GDAP2: variants seen among roughly 807,000 people sequenced by gnomAD.
GDAP2 encodes ganglioside-induced differentiation-associated protein 2.
GDAP2 carries 51 observed loss-of-function variants against 67.0 expected under a neutral mutation model. That is an observed-to-expected ratio of 0.76 (90% CI 0.61 to 0.96). The LOEUF (loss-of-function observed/expected upper bound fraction) is 0.96, where lower values mean the gene tolerates loss of function less well. Among genes scored for constraint, GDAP2 ranks in the 40% least tolerant of loss-of-function variants. GDAP2 has a pLI of 0.00. For synonymous variants in GDAP2, 203 were observed against 207.3 expected, an observed-to-expected ratio of 0.98 and a Z score of 0.18; for missense variants, 547 against 588.3, an observed-to-expected ratio of 0.93 and a Z score of 0.73.
At chr1:117,903,384 C>T (rs1032326770) in intron 6 of GDAP2, among the ~76,000 whole-genome samples, 4 of 152,080 alleles carry the variant, frequency 2.6e-5, no homozygotes, top group African/African-American at 9.7e-5. Context: ...CAGTATTTTA[C>T]CATTAAGTAT....
At chr1:117,900,315 G>T (rs1649406614) in intron 6 of GDAP2, among the ~76,000 whole-genome samples, 1 of 151,896 alleles carries the variant, frequency 6.6e-6, no homozygotes, top group African/African-American at 2.4e-5. Context: ...TCACAAAGGG[G>T]GTACAAGGGG....
chr1:117,868,883 A>T lies in GDAP2; in HGVS notation c.*1686T>A, dbSNP rs1648163516. 1 of 152,218 alleles carries T rather than the reference A, an allele frequency of 6.6e-6. No individual in the cohort carries two copies. The highest frequency in any genetic ancestry group is 6.5e-5 in the Admixed American group (1 of 15,272). The allele number at this position is 152,218 out of a possible 1,614,324, so 9.4% of individuals were successfully genotyped here. Reference sequence around the variant, plus strand: ...GGATCAAGTAATTTTGAGGTCTGACACAAAGAAAATGTGTTCAATACATGC... The same window carrying T: ...GGATCAAGTAATTTTGAGGTCTGACTCAAAGAAAATGTGTTCAATACATGC... On this transcript the variant is annotated 3_prime_UTR_variant, in exon 14 of 14. Transcript: ENST00000369443.
Position 117,870,427 on chromosome 1 carries a change from TAC to T in GDAP2, c.*140_*141del. ...TAGATTGCTTATGTGCCAGAAAATA[TAC>T]AGTCAATAAAAAAATACCAGAGAGG... On this transcript the variant is annotated 3_prime_UTR_variant, in exon 14 of 14. Transcript: ENST00000369443. The T allele has an allele frequency of 1.5e-6, 1 of 665,078 alleles. No individual in the cohort carries two copies. Among genetic ancestry groups the T allele is most frequent in the Non-Finnish European group, 2.7e-6 (1 of 370,710 alleles). The allele number at this position is 665,078 out of a possible 1,614,324, so 41.2% of individuals were successfully genotyped here.
chr1:117,877,322 G>T (rs1570964591), intron 13 of GDAP2: 1 of 967,738 alleles, frequency 1.0e-6, no homozygotes, highest in Non-Finnish European at 1.2e-6. Flanking sequence ...CTATCCCCTG[G>T]TTCATACAAT....
intron 6 of GDAP2, among the ~76,000 whole-genome samples, chr1:117,904,441 T>C (rs538606778): frequency 1.4e-3 from 214 of 152,342 alleles, no homozygotes; most frequent in Non-Finnish European, 2.5e-3. Flanking sequence ...GCAACAGTAT[T>C]TACTTGATAC....
Position 117,918,722 on chromosome 1 carries a change from GC to G in GDAP2, c.190del (p.Ala64HisfsTer3). The G allele has an allele frequency of 6.2e-7, 1 of 1,602,556 alleles. No homozygotes were observed. Among genetic ancestry groups the G allele is most frequent in the Non-Finnish European group, 8.5e-7 (1 of 1,170,378 alleles). On this transcript the variant is annotated frameshift_variant, in exon 3 of 14. Transcript: ENST00000369443. LOFTEE classifies it high-confidence loss of function. ...CACAATGGCTGTACAGTTCAGTAAT[GC>G]CACATCTCCTTTCCTGAAGAAACAA... ...GKVVLWKGDV[A>X]LLNCTAIVNT...
chr1:117,871,982 A>C (rs10923439), intron 13 of GDAP2, among the ~76,000 whole-genome samples: 1 of 151,804 alleles, frequency 6.6e-6, no homozygotes, highest in Admixed American at 6.5e-5. Context: ...AAGGAACTTA[A>C]GCAAATTTAC....
chr1:117,894,575 G>C (rs1241958859), intron 8 of GDAP2, among the ~76,000 whole-genome samples: 1 of 152,068 alleles, frequency 6.6e-6, no homozygotes, highest in Non-Finnish European at 1.5e-5. Context: ...TTAAATTAAT[G>C]GAAGACAAAA....
Position 117,918,698 on chromosome 1 carries a change from A to T in GDAP2, c.215T>A (p.Val72Glu). Residue 72 changes from valine (V) to glutamate (E), a missense_variant, in exon 3 of 14, where the codon GTG (valine) becomes GAG (glutamate). Coordinates refer to ENST00000369443, the MANE Select transcript of GDAP2 (RefSeq NM_017686.4). ...DVALLNCTAIVNTSNESLTDK... is the reference protein window; with the variant it reads ...DVALLNCTAIENTSNESLTDK... ...TGTGAGACTTTCATTGCTGGTATTC[A>T]CAATGGCTGTACAGTTCAGTAATGC... 1 of 1,597,480 alleles carries T rather than the reference A, an allele frequency of 6.3e-7. No homozygotes were observed. The highest frequency in any genetic ancestry group is 8.6e-7 in the Non-Finnish European group (1 of 1,164,854).
At chr1:117,911,572 A>G (rs1476659593) in intron 5 of GDAP2, among the ~76,000 whole-genome samples, 1 of 152,056 alleles carries the variant, frequency 6.6e-6, no homozygotes, top group East Asian at 1.9e-4. Context: ...TCTTTGCTCA[A>G]TTAAATTCTG....
intron 10 of GDAP2, among the ~76,000 whole-genome samples, chr1:117,885,388 A>T (rs1042559498): frequency 6.6e-6 from 1 of 152,114 alleles, no homozygotes; most frequent in Non-Finnish European, 1.5e-5. Flanking sequence ...CCTTTCCTTG[A>T]GATATTTTCC....
intron 1 of GDAP2, among the ~76,000 whole-genome samples, chr1:117,923,417 G>A (rs1257278937): frequency 6.6e-6 from 1 of 152,196 alleles, no homozygotes; most frequent in African/African-American, 2.4e-5. Context: ...ATTAATTTGG[G>A]AAACTAATAA....
intron 6 of GDAP2, among the ~76,000 whole-genome samples, chr1:117,900,415 C>T (rs1649410322): frequency 6.6e-6 from 1 of 152,178 alleles, no homozygotes; most frequent in Non-Finnish European, 1.5e-5. Flanking sequence ...TCTCCCACAC[C>T]TGGCAATTAC....
At chr1:117,912,200 C>A in intron 4 of GDAP2, 118 bp from the exon 5 acceptor site, 1 of 685,564 alleles carries the variant, frequency 1.5e-6, no homozygotes, top group Non-Finnish European at 2.6e-6. Flanking sequence ...TTCAACAAAT[C>A]TACTATAATA....
At chr1:117,913,795 C>A (rs1649947060) in intron 3 of GDAP2, among the ~76,000 whole-genome samples, 2 of 152,074 alleles carry the variant, frequency 1.3e-5, no homozygotes. Context: ...TAAACCCTAC[C>A]CCCTAATGTG....
chr1:117,911,996 AG>A lies in GDAP2; in HGVS notation c.556del (p.Leu186PhefsTer4). 1 of 1,537,056 alleles carries A rather than the reference AG, an allele frequency of 6.5e-7. No individual in the cohort carries two copies. The highest frequency in any genetic ancestry group is 1.1e-5 in the South Asian group (1 of 89,480). ...ACAGCATCTCTGATATTACTTACGA[AG>A]TGCTATGTGTGTTGCATCCTCTAAA... ...YPLEDATHIA[L>X]RTVRRFLEIH... is the part of the protein sequence containing the mutation. On this transcript the variant is annotated frameshift_variant, in exon 5 of 14. Coordinates refer to ENST00000369443, the MANE Select transcript of GDAP2 (RefSeq NM_017686.4). LOFTEE classifies it high-confidence loss of function.
At position 117,878,105 on chromosome 1, in the gene GDAP2, G is replaced by C; in HGVS notation, c.1350C>G (p.Asp450Glu). 7 of 1,610,230 alleles carry C rather than the reference G, an allele frequency of 4.3e-6. No homozygotes were observed. Among genetic ancestry groups the C allele is most frequent in the Non-Finnish European group, 5.9e-6 (7 of 1,177,566 alleles). The change falls in exon 13 of 14, where the codon GAC becomes GAG. Residue 450 changes from aspartate to glutamate, a missense_variant. By Grantham distance (45) the Asp-to-Glu change is conservative. Transcript: ENST00000369443. ...GGAGGCTGTCCACATGGTGGATTTT[G>C]TCCTTCAGTCCTGAGACAGAAAAGG... is the stretch of plus-strand genomic sequence containing the variant. ...FTTFSVSGLK[D>E]KIHHVDSLHQ...
At position 117,870,132 on chromosome 1, in the gene GDAP2, G is replaced by A. The variant is rs1010237875; in HGVS notation, c.*437C>T. ...AAATATACATGGTATTAACACCATGGATCTGAAGCAAACAATGCATCTGGT... is the reference window on the plus strand; with the variant it reads ...AAATATACATGGTATTAACACCATGAATCTGAAGCAAACAATGCATCTGGT... On this transcript the variant is annotated 3_prime_UTR_variant, in exon 14 of 14. Coordinates refer to ENST00000369443, the MANE Select transcript of GDAP2 (RefSeq NM_017686.4). 3 of 165,066 alleles carry A rather than the reference G, an allele frequency of 1.8e-5. No homozygotes were observed. Among genetic ancestry groups the A allele is most frequent in the Admixed American group, 1.2e-4 (2 of 16,392 alleles). The allele number at this position is 165,066 out of a possible 1,614,324, so 10.2% of individuals were successfully genotyped here. A position where few individuals can be genotyped will look rare whatever the true frequency, so the allele number is the denominator to read the frequency against.
intron 3 of GDAP2, among the ~76,000 whole-genome samples, chr1:117,915,723 A>C (rs553819868): frequency 6.6e-6 from 1 of 152,346 alleles, no homozygotes; most frequent in African/African-American, 2.4e-5. Flanking sequence ...AAAATTTCTA[A>C]ATTCACAAAG....
Sources: allele counts gnomAD v4.1 joint callset (sites outside exome capture counted in the v4.1 genomes callset), GRCh38; gene constraint gnomAD v4.1.1; transcripts MANE v1.5; gene names NCBI Gene and HGNC (gene_info 2026-07-23, HGNC 2026-07-21).